Variants in BRIP1 observed in about 807,000 individuals in gnomAD.
BRIP1 encodes BRCA1 interacting DNA helicase 1, also known as Fanconi anemia group J protein.
In BRIP1, 88 loss-of-function variants were observed where a neutral mutation model predicts 119.7. The ratio of observed to expected loss-of-function variants is 0.74; its 90% CI spans 0.62 to 0.88. The LOEUF (loss-of-function observed/expected upper bound fraction) is 0.88, where lower values mean the gene tolerates loss of function less well. Among genes scored for constraint, BRIP1 ranks in the 40% least tolerant of loss-of-function variants. BRIP1 has a pLI of 0.00. For synonymous variants in BRIP1, 443 were observed against 496.5 expected (o/e 0.89, Z 1.43); for missense variants, 1,259 against 1,455.4 (o/e 0.87, Z 2.20).
Position 61,822,207 on chromosome 17 carries a change from G to A in BRIP1, c.628-13450C>T, listed in dbSNP as rs1331120980. Among the ~76,000 whole-genome samples, 2 of 152,032 alleles carry A rather than the reference G, an allele frequency of 1.3e-5. No individual in the cohort carries two copies. The highest frequency in any genetic ancestry group is 2.9e-5 in the Non-Finnish European group (2 of 67,984). On this transcript the variant is annotated intron_variant, in intron 6 of 19. Transcript: ENST00000259008. The surrounding 1 kb of genome is among the most constrained non-coding windows in gnomAD (Gnocchi z 4.4). ...AAAAGAAGAAGAAAAGCTATTTGAC[G>A]AATAGACTGATAATGGGATTCTCAT...
Position 61,717,839 on chromosome 17 carries a change from C to G in BRIP1, c.2380-1776G>C, listed in dbSNP as rs1259526774. On this transcript the variant is annotated intron_variant, in intron 16 of 19. Coordinates refer to ENST00000259008, the MANE Select transcript of BRIP1 (RefSeq NM_032043.3). The surrounding 1 kb of genome is among the most constrained non-coding windows in gnomAD (Gnocchi z 4.1). ...CTACTTTATATTACTCCACATGTCA[C>G]TGACCCTCTTTTTTTTCACTCTACA... 6.6e-6 allele frequency among the ~76,000 whole-genome samples: 1 copy of G among 152,052 alleles called. No homozygotes were observed.
At position 61,705,313 on chromosome 17, in the gene BRIP1, TACC is replaced by T; in HGVS notation, c.2492+10635_2492+10637del. Among the ~76,000 whole-genome samples the T allele has an allele frequency of 6.6e-6, 1 of 152,346 alleles. No individual in the cohort carries two copies. The highest frequency in any genetic ancestry group is 1.9e-4 in the East Asian group (1 of 5,190). On this transcript the variant is annotated intron_variant, in intron 17 of 19. Coordinates refer to ENST00000259008, the MANE Select transcript of BRIP1 (RefSeq NM_032043.3). The surrounding 1 kb of genome is among the most constrained non-coding windows in gnomAD (Gnocchi z 5.0). ...TGTGCAGTATTCCACGGTGTATATGTACCACATTTTCTTTATCTAGTCCACCGT... is the reference window on the plus strand; with the variant it reads ...TGTGCAGTATTCCACGGTGTATATGTACATTTTCTTTATCTAGTCCACCGT...
rs997218439 is a variant in BRIP1, at chr17:61,794,772, C to G, written c.1341-1043G>C. 3.3e-5 allele frequency among the ~76,000 whole-genome samples: 5 copies of G among 151,426 alleles called. No individual in the cohort carries two copies. Among genetic ancestry groups the G allele is most frequent in the African/African-American group, 1.2e-4 (5 of 41,186 alleles). On this transcript the variant is annotated intron_variant, in intron 9 of 19. Coordinates refer to ENST00000259008, the MANE Select transcript of BRIP1 (RefSeq NM_032043.3). The surrounding 1 kb of genome is among the most constrained non-coding windows in gnomAD (Gnocchi z 4.3). ...TGAAAATAAATTAGTTTAATATAACCTAGTTGCAACTTTAATTTTAATGTC... is the reference window on the plus strand; with the variant it reads ...TGAAAATAAATTAGTTTAATATAACGTAGTTGCAACTTTAATTTTAATGTC...
rs1308686358 is a variant in BRIP1, at chr17:61,843,379, C to T, written c.627+3722G>A. Among the ~76,000 whole-genome samples the T allele has an allele frequency of 1.3e-5, 2 of 152,090 alleles. No individual in the cohort carries two copies. Among genetic ancestry groups the T allele is most frequent in the African/African-American group, 4.8e-5 (2 of 41,400 alleles). On this transcript the variant is annotated intron_variant, in intron 6 of 19. Coordinates refer to ENST00000259008, the MANE Select transcript of BRIP1 (RefSeq NM_032043.3). This position sits in a 1 kb window ranked among gnomAD's most constrained non-coding sequence, Gnocchi z 5.7. Reference sequence around the variant, plus strand: ...AAAATTTTCAGGTGTTCTCAACACACACACACACACAAAAGGTAACTATGT... The same window carrying T: ...AAAATTTTCAGGTGTTCTCAACACATACACACACACAAAAGGTAACTATGT...
chr17:61,696,572 T>C (rs922798815), intron 17 of BRIP1, among the ~76,000 whole-genome samples: 3 of 151,844 alleles, frequency 2.0e-5, no homozygotes, highest in Non-Finnish European at 2.9e-5. Context: ...GTGAAGCCAT[T>C]TGATCATGAG....
chr17:61,685,714 A>G, intron 19 of BRIP1, 122 bp downstream of exon 19: 1 of 908,194 alleles, frequency 1.1e-6, no homozygotes. Flanking sequence ...CTATTTTATG[A>G]TAACACCTTA....
At position 61,686,162 on chromosome 17, in the gene BRIP1, A is replaced by G. The variant is rs587780242; in HGVS notation, c.2579T>C (p.Leu860Pro). 3.7e-6 allele frequency: 6 copies of G among 1,613,960 alleles called. No homozygotes were observed. The highest frequency in any genetic ancestry group is 5.1e-6 in the Non-Finnish European group (6 of 1,179,938). The change falls in exon 19 of 20, where the codon CTT becomes CCT. Residue 860 changes from leucine to proline, a missense_variant. Transcript: ENST00000259008. This position sits in a 1 kb window ranked among gnomAD's most constrained non-coding sequence, Gnocchi z 5.4. Reference sequence around the variant, plus strand: ...AATCTGCTGCCGTACCCATTTAGAAAGTCCTAAAGAAAAAGGTAAACCCAG... The same window carrying G: ...AATCTGCTGCCGTACCCATTTAGAAGGTCCTAAAGAAAAAGGTAAACCCAG... ...RNNPSRYISG[L>P]SKWVRQQIQH... is the part of the protein sequence containing the mutation.
Position 61,810,326 on chromosome 17 carries a change from C to G in BRIP1, c.628-1569G>C, listed in dbSNP as rs1433534919. Among the ~76,000 whole-genome samples, 1 of 152,064 alleles carries G rather than the reference C, an allele frequency of 6.6e-6. No individual in the cohort carries two copies. Among genetic ancestry groups the G allele is most frequent in the East Asian group, 1.9e-4 (1 of 5,194 alleles). ...TTTATGTTACATATGTTGCAATATC[C>G]AACAATTTACGGTCACAGAGAAAAT... On this transcript the variant is annotated intron_variant, in intron 6 of 19. Transcript: ENST00000259008. This position sits in a 1 kb window ranked among gnomAD's most constrained non-coding sequence, Gnocchi z 4.7.
rs375837697 is a variant in BRIP1 at position 61,753,794 on chromosome 17, C to T, written c.2098-9203G>A. Among the ~76,000 whole-genome samples, 1 of 151,858 alleles carries T rather than the reference C, an allele frequency of 6.6e-6. No homozygotes were observed. Among genetic ancestry groups the T allele is most frequent in the Non-Finnish European group, 1.5e-5 (1 of 67,958 alleles). On this transcript the variant is annotated intron_variant, in intron 14 of 19. Transcript: ENST00000259008. The surrounding 1 kb of genome is among the most constrained non-coding windows in gnomAD (Gnocchi z 4.6). ...AAAAGAACAACAACAACAACAACAACAAAAAACCAGAGAGGGTCTTGCTGT... is the reference window on the plus strand; with the variant it reads ...AAAAGAACAACAACAACAACAACAATAAAAAACCAGAGAGGGTCTTGCTGT...
chr17:61,761,972 C>T lies in BRIP1; in HGVS notation c.2097+14429G>A, dbSNP rs2077283394. Among the ~76,000 whole-genome samples, 1 of 151,812 alleles carries T rather than the reference C, an allele frequency of 6.6e-6. No homozygotes were observed. The highest frequency in any genetic ancestry group is 1.5e-5 in the Non-Finnish European group (1 of 67,932). ...CCATGGCAGTCATGAGTAAAAAGAA[C>T]AAAAATGGAGGCATCACACGACCTG... On this transcript the variant is annotated intron_variant, in intron 14 of 19. Coordinates refer to ENST00000259008, the MANE Select transcript of BRIP1 (RefSeq NM_032043.3). This position sits in a 1 kb window ranked among gnomAD's most constrained non-coding sequence, Gnocchi z 6.4.
chr17:61,738,252 C>T lies in BRIP1; in HGVS notation c.2379+4761G>A, dbSNP rs2076944606. Reference sequence around the variant, plus strand: ...GTAATAAATGATTGCTGTTTTAAGTCACTAAGTTTTGGAGTTGTTACAGAA... The same window carrying T: ...GTAATAAATGATTGCTGTTTTAAGTTACTAAGTTTTGGAGTTGTTACAGAA... On this transcript the variant is annotated intron_variant, in intron 16 of 19. Transcript: ENST00000259008. This position sits in a 1 kb window ranked among gnomAD's most constrained non-coding sequence, Gnocchi z 4.2. Among the ~76,000 whole-genome samples the T allele has an allele frequency of 6.6e-6, 1 of 152,134 alleles. No homozygotes were observed. Among genetic ancestry groups the T allele is most frequent in the Non-Finnish European group, 1.5e-5 (1 of 68,026 alleles).
chr17:61,784,135 T>C, intron 11 of BRIP1, 135 bp downstream of exon 11: 1 of 761,356 alleles, frequency 1.3e-6, no homozygotes, highest in Non-Finnish European at 2.1e-6. Context: ...TAAGAGCAAA[T>C]ATATAATAAT....
chr17:61,841,301 CA>C lies in BRIP1; in HGVS notation c.627+5799del, dbSNP rs1295441216. 6.6e-6 allele frequency among the ~76,000 whole-genome samples: 1 copy of C among 151,164 alleles called. No individual in the cohort carries two copies. The highest frequency in any genetic ancestry group is 1.5e-5 in the Non-Finnish European group (1 of 67,876). On this transcript the variant is annotated intron_variant, in intron 6 of 19. Transcript: ENST00000259008. The surrounding 1 kb of genome is among the most constrained non-coding windows in gnomAD (Gnocchi z 4.1). ...CCTGTAGAATGGGAGAAAATATTTC[CA>C]AACTATTCATCTGAGAAGGGACTAC...
Position 61,686,725 on chromosome 17 carries a change from T to C in BRIP1, c.2576-560A>G, listed in dbSNP as rs114696056. Among the ~76,000 whole-genome samples the C allele has an allele frequency of 2.7e-3, 413 of 152,154 alleles. 3 individuals carry two copies. The highest frequency in any genetic ancestry group is 0.01 in the Middle Eastern group (3 of 294). On this transcript the variant is annotated intron_variant, in intron 18 of 19. Coordinates refer to ENST00000259008, the MANE Select transcript of BRIP1 (RefSeq NM_032043.3). The surrounding 1 kb of genome is among the most constrained non-coding windows in gnomAD (Gnocchi z 5.4). Reference sequence around the variant, plus strand: ...TCACATCCCTTCTGAATTTTTATGATATAATTATTTTTAATATATAATCAA... The same window carrying C: ...TCACATCCCTTCTGAATTTTTATGACATAATTATTTTTAATATATAATCAA...
rs2076965197 is a variant in BRIP1, at chr17:61,739,912, G to T, written c.2379+3101C>A. On this transcript the variant is annotated intron_variant, in intron 16 of 19. Coordinates refer to ENST00000259008, the MANE Select transcript of BRIP1 (RefSeq NM_032043.3). This position sits in a 1 kb window ranked among gnomAD's most constrained non-coding sequence, Gnocchi z 6.0. ...AAATATATTGTTTAGGAAACAGTCA[G>T]TGATAATGAGATACAACTGTTTCTG... Among the ~76,000 whole-genome samples, 2 of 152,152 alleles carry T rather than the reference G, an allele frequency of 1.3e-5. No homozygotes were observed. The highest frequency in any genetic ancestry group is 4.8e-5 in the African/African-American group (2 of 41,440).
At chr17:61,838,776 A>T (rs1005937523) in intron 6 of BRIP1, among the ~76,000 whole-genome samples, 1 of 151,772 alleles carries the variant, frequency 6.6e-6, no homozygotes, top group South Asian at 2.1e-4. Flanking sequence ...AAATAAAAAA[A>T]TATAAAAAAA....
In BRIP1 at chr17:61,862,964, T is replaced by C. The variant is rs903217646; in HGVS notation, c.-31+320A>G. ...CAACGCTGGCCTAGTTACTCAGATA[T>C]AATCTAGAAATCAGCCCGTCCTGTA... is the stretch of plus-strand genomic sequence containing the variant. On this transcript the variant is annotated intron_variant, in intron 1 of 19. Coordinates refer to ENST00000259008, the MANE Select transcript of BRIP1 (RefSeq NM_032043.3). This position sits in a 1 kb window ranked among gnomAD's most constrained non-coding sequence, Gnocchi z 5.3. 6.6e-6 allele frequency among the ~76,000 whole-genome samples: 1 copy of C among 152,146 alleles called. No individual in the cohort carries two copies. The highest frequency in any genetic ancestry group is 1.5e-5 in the Non-Finnish European group (1 of 68,016).
rs2061736446 is a variant in BRIP1 at position 61,709,150 on chromosome 17, T to C, written c.2492+6801A>G. On this transcript the variant is annotated intron_variant, in intron 17 of 19. Coordinates refer to ENST00000259008, the MANE Select transcript of BRIP1 (RefSeq NM_032043.3). The surrounding 1 kb of genome is among the most constrained non-coding windows in gnomAD (Gnocchi z 5.0). ...TTTTAGATTGCTCCAAATCCTAGGCTTTTTCATGCATAAATCTGAAAGTGC... is the reference window on the plus strand; with the variant it reads ...TTTTAGATTGCTCCAAATCCTAGGCCTTTTCATGCATAAATCTGAAAGTGC... Among the ~76,000 whole-genome samples the C allele has an allele frequency of 1.3e-5, 2 of 152,172 alleles. No individual in the cohort carries two copies. Among genetic ancestry groups the C allele is most frequent in the Non-Finnish European group, 2.9e-5 (2 of 68,020 alleles).
rs949218218 is a variant in BRIP1, at chr17:61,775,434, A to C, written c.2097+967T>G. ...ATCAATATTGTCATTCAAATATATT[A>C]CTTCCAAATGCTTCTGTCCTTAGAG... On this transcript the variant is annotated intron_variant, in intron 14 of 19. Coordinates refer to ENST00000259008, the MANE Select transcript of BRIP1 (RefSeq NM_032043.3). This position sits in a 1 kb window ranked among gnomAD's most constrained non-coding sequence, Gnocchi z 4.4. Among the ~76,000 whole-genome samples the C allele has an allele frequency of 1.3e-5, 2 of 152,142 alleles. No individual in the cohort carries two copies. Among genetic ancestry groups the C allele is most frequent in the Non-Finnish European group, 2.9e-5 (2 of 68,008 alleles).
Sources: allele counts gnomAD v4.1 joint callset (sites outside exome capture counted in the v4.1 genomes callset), GRCh38; gene constraint gnomAD v4.1.1; non-coding constraint Gnocchi (gnomAD v3.1); transcripts MANE v1.5; gene names NCBI Gene and HGNC (gene_info 2026-07-23, HGNC 2026-07-21).